The following N4BP2 variants were observed in gnomAD, a reference collection of about 807,000 sequenced individuals.
N4BP2 encodes the protein NEDD4-binding protein 2.
In N4BP2, 91 loss-of-function variants were observed where a neutral mutation model predicts 152.8. The ratio of observed to expected loss-of-function variants is 0.60; its 90% CI spans 0.50 to 0.71. The LOEUF (loss-of-function observed/expected upper bound fraction) is 0.71. Ranked by LOEUF, N4BP2 falls within the 30% of genes least tolerant of loss-of-function variation. N4BP2 has a pLI of 0.00. For missense variants in N4BP2, 1,923 were observed against 2,059.1 expected, an observed-to-expected ratio of 0.93 and a Z score of 1.28; for synonymous variants, 646 against 705.3, an observed-to-expected ratio of 0.92 and a Z score of 1.33.
chr4:40,058,273 G>A (rs1733382123), intron 1 of N4BP2, among the ~76,000 whole-genome samples: 4 of 152,060 alleles, frequency 2.6e-5, no homozygotes, highest in Admixed American at 2.6e-4. Flanking sequence ...ACTAAAAGAC[G>A]CGCTTTAGGA....
At chr4:40,178,704 A>C in the N4BP2 span, among the ~76,000 whole-genome samples, 1 of 152,306 alleles carries the variant, frequency 6.6e-6, no homozygotes, top group East Asian at 1.9e-4. Flanking sequence ...GTTTGAACAG[A>C]CTCCGTCTGC....
At chr4:40,101,571 C>T (rs1398231696) in intron 3 of N4BP2, among the ~76,000 whole-genome samples, 2 of 151,930 alleles carry the variant, frequency 1.3e-5, no homozygotes, top group African/African-American at 4.8e-5. Context: ...TTTTTTTTTA[C>T]AAAATATTTC....
intron 13 of N4BP2, among the ~76,000 whole-genome samples, chr4:40,132,146 C>A (rs28505756): frequency 0.018 from 2,743 of 152,048 alleles, 102 homozygotes; most frequent in African/African-American, 0.062. Context: ...AATTGATTTA[C>A]AAATTAGGCA....
chr4:40,070,435 C>T (rs1426660318), intron 1 of N4BP2, among the ~76,000 whole-genome samples: 1 of 152,022 alleles, frequency 6.6e-6, no homozygotes, highest in Non-Finnish European at 1.5e-5. Context: ...CCAGTAATTC[C>T]CTAGTATTAT....
intron 4 of N4BP2, among the ~76,000 whole-genome samples, chr4:40,104,828 A>G (rs377202507): frequency 1.7e-3 from 259 of 149,452 alleles, no homozygotes; most frequent in African/African-American, 6.0e-3. Context: ...TTTTGGAGAC[A>G]GAGTCTTGCT....
chr4:40,070,992 T>G (rs1200663839), intron 1 of N4BP2, among the ~76,000 whole-genome samples: 2 of 152,088 alleles, frequency 1.3e-5, no homozygotes, highest in African/African-American at 4.8e-5. Flanking sequence ...GCCTGGCTAA[T>G]TTTTGTATTT....
the N4BP2 span, among the ~76,000 whole-genome samples, chr4:40,173,001 C>T: frequency 6.6e-6 from 1 of 152,106 alleles, no homozygotes; most frequent in Non-Finnish European, 1.5e-5. Flanking sequence ...GTCCAGTTGA[C>T]ACCGCCTTGC....
At chr4:40,178,307 A>C in the N4BP2 span, among the ~76,000 whole-genome samples, 2 of 152,242 alleles carry the variant, frequency 1.3e-5, no homozygotes, top group Non-Finnish European at 2.9e-5. Context: ...GAAATGAATA[A>C]ATTGGAAAAT....
At chr4:40,094,315 C>T (rs1276056472) in intron 2 of N4BP2, among the ~76,000 whole-genome samples, 1 of 151,914 alleles carries the variant, frequency 6.6e-6, no homozygotes. Flanking sequence ...GTGTATTTTG[C>T]TGTTGTTGGG....
chr4:40,116,016 A>G (rs760286640), intron 7 of N4BP2, among the ~76,000 whole-genome samples: 12 of 152,094 alleles, frequency 7.9e-5, no homozygotes, highest in Non-Finnish European at 1.5e-4. Context: ...TATCACCCTA[A>G]TTAATTGAAC....
intron 1 of N4BP2, among the ~76,000 whole-genome samples, chr4:40,059,144 T>G (rs1733461278): frequency 6.6e-6 from 1 of 152,082 alleles, no homozygotes; most frequent in Admixed American, 6.6e-5. Context: ...GCTGATTATT[T>G]TCCTTTTAAA....
chr4:40,100,082 C>G (rs977206369), intron 3 of N4BP2: 1 of 456,106 alleles, frequency 2.2e-6, no homozygotes, highest in African/African-American at 2.0e-5. Flanking sequence ...GTGCACAGCA[C>G]TTTTTCATGG....
chr4:40,109,587 G>T (rs542253579), intron 5 of N4BP2, among the ~76,000 whole-genome samples: 26 of 152,094 alleles, frequency 1.7e-4, no homozygotes, highest in Non-Finnish European at 3.1e-4. Context: ...GCATGGTGGT[G>T]CACACCTATA....
chr4:40,169,838 G>A, the N4BP2 span, among the ~76,000 whole-genome samples: 1,257 of 151,476 alleles, frequency 8.3e-3, 21 homozygotes, highest in African/African-American at 0.029. Flanking sequence ...GGTGGCAGGC[G>A]TCTGTAATCT....
At chr4:40,174,932 A>G in the N4BP2 span, among the ~76,000 whole-genome samples, 1 of 151,666 alleles carries the variant, frequency 6.6e-6, no homozygotes, top group Non-Finnish European at 1.5e-5. Context: ...ATTTGCTGCC[A>G]CGTGGGAACC....
intron 5 of N4BP2, among the ~76,000 whole-genome samples, chr4:40,108,859 C>T (rs1166356653): frequency 6.6e-6 from 1 of 151,394 alleles, no homozygotes; most frequent in Non-Finnish European, 1.5e-5. Context: ...GCTCTGTTGC[C>T]AGGCTGGAGT....
chr4:40,103,339 T>C (rs767830295), intron 4 of N4BP2, 121 bp downstream of exon 4: 195 of 818,534 alleles, frequency 2.4e-4, no homozygotes, highest in Admixed American at 8.8e-4. Flanking sequence ...AAATGTTTTC[T>C]TTTTACTAAG....
At chr4:40,118,665 G>A (rs1717578003) in intron 8 of N4BP2, among the ~76,000 whole-genome samples, 1 of 151,888 alleles carries the variant, frequency 6.6e-6, no homozygotes, top group South Asian at 2.1e-4. Context: ...TTATCTTCTC[G>A]CTGTTATTAT....
intron 5 of N4BP2, among the ~76,000 whole-genome samples, chr4:40,107,452 G>T (rs1028166445): frequency 7.9e-5 from 12 of 151,572 alleles, no homozygotes; most frequent in Admixed American, 7.9e-4. Flanking sequence ...GGTGCAATCT[G>T]GGTTCACTGC....
Sources: gnomAD v4.1 joint callset for allele counts (sites outside exome capture counted in the v4.1 genomes callset) on GRCh38, gnomAD v4.1.1 for gene constraint, MANE v1.5 for transcripts, NCBI Gene and HGNC (gene_info 2026-07-23, HGNC 2026-07-21) for gene names.